Variants in DNAH9 observed in about 807,000 individuals in gnomAD.
DNAH9 encodes the protein dynein axonemal heavy chain 9.
Under a neutral mutation model 471.6 loss-of-function variants are expected in DNAH9, and 345 were observed. The observed-to-expected ratio is 0.73, with a 90% CI of 0.67 to 0.80. The LOEUF (loss-of-function observed/expected upper bound fraction) is 0.80. Among genes scored for constraint, DNAH9 ranks in the 30% least tolerant of loss-of-function variants. DNAH9 has a pLI of 0.00. For missense variants in DNAH9, 5,407 were observed against 5,609.2 expected, an observed-to-expected ratio of 0.96 and a Z score of 1.15; for synonymous variants, 2,093 against 2,123.6, an observed-to-expected ratio of 0.99 and a Z score of 0.40.
At chr17:11,615,920 A>C (rs1463024542) in intron 4 of DNAH9, among the ~76,000 whole-genome samples, 1 of 152,108 alleles carries the variant, frequency 6.6e-6, no homozygotes, top group Non-Finnish European at 1.5e-5. Context: ...TCTAATACTC[A>C]CCATCAGCCC....
intron 27 of DNAH9, among the ~76,000 whole-genome samples, chr17:11,720,467 T>C (rs2075037428): frequency 6.6e-6 from 1 of 152,156 alleles, no homozygotes; most frequent in Non-Finnish European, 1.5e-5. Context: ...TCTCTCGTTA[T>C]TTTTGTTATA....
chr17:11,677,037 G>A (rs1256371495), intron 17 of DNAH9, among the ~76,000 whole-genome samples: 1 of 151,992 alleles, frequency 6.6e-6, no homozygotes, highest in Non-Finnish European at 1.5e-5. Context: ...ATTTGTTAAA[G>A]TTTGCCTTAT....
chr17:11,620,846 T>C (rs1053827872), intron 6 of DNAH9, among the ~76,000 whole-genome samples: 26 of 152,216 alleles, frequency 1.7e-4, no homozygotes, highest in Admixed American at 1.6e-3. Flanking sequence ...AATGAGTCCC[T>C]GTGCAAAAGA....
At chr17:11,834,012 G>T (rs1324131082) in intron 48 of DNAH9, among the ~76,000 whole-genome samples, 1 of 152,156 alleles carries the variant, frequency 6.6e-6, no homozygotes, top group Non-Finnish European at 1.5e-5. Context: ...GTGAGAAGCA[G>T]CCTAAGCTGT....
intron 57 of DNAH9, among the ~76,000 whole-genome samples, chr17:11,890,076 T>G (rs1387875473): frequency 6.6e-6 from 1 of 152,234 alleles, no homozygotes; most frequent in Non-Finnish European, 1.5e-5. Context: ...TTTTTTTACA[T>G]GTTTTCCTGA....
At chr17:11,891,316 C>T (rs1973042132) in intron 57 of DNAH9, among the ~76,000 whole-genome samples, 1 of 152,164 alleles carries the variant, frequency 6.6e-6, no homozygotes, top group South Asian at 2.1e-4. Context: ...TTTCTCGTTA[C>T]TATTGTCCTT....
chr17:11,631,151 TCA>T (rs1036632467), intron 7 of DNAH9, among the ~76,000 whole-genome samples: 35 of 151,708 alleles, frequency 2.3e-4, no homozygotes, highest in Admixed American at 7.9e-4. Flanking sequence ...AGCCCGCATC[TCA>T]CCTGTAGCCC....
intron 28 of DNAH9, among the ~76,000 whole-genome samples, chr17:11,733,380 C>T (rs1432295649): frequency 6.6e-6 from 1 of 152,170 alleles, no homozygotes; most frequent in Non-Finnish European, 1.5e-5. Context: ...GACACAAGGC[C>T]CTAGCCTGAG....
chr17:11,807,960 C>T, intron 44 of DNAH9, 66 bp downstream of exon 44: 1 of 1,510,862 alleles, frequency 6.6e-7, no homozygotes, highest in Non-Finnish European at 9.0e-7. Flanking sequence ...GTTCCATCAT[C>T]CTTCACTCGT....
At chr17:11,705,241 A>G (rs1363207836) in intron 26 of DNAH9, 56 bp downstream of exon 26, 3 of 1,513,080 alleles carry the variant, frequency 2.0e-6, no homozygotes, top group African/African-American at 2.7e-5. Flanking sequence ...CAGGCCAGCT[A>G]GTGGGCATCT....
chr17:11,964,557 C>T (rs1403522088), intron 68 of DNAH9, among the ~76,000 whole-genome samples: 1 of 152,172 alleles, frequency 6.6e-6, no homozygotes, highest in Non-Finnish European at 1.5e-5. Flanking sequence ...AAATCCTCTC[C>T]TCCATAAAAC....
intron 24 of DNAH9, 143 bp from the exon 25 acceptor site, chr17:11,704,060 C>A: frequency 1.1e-6 from 1 of 917,342 alleles, no homozygotes; most frequent in African/African-American, 1.6e-5. Context: ...GCATATGGTT[C>A]ACTTAGTCAG....
At chr17:11,940,013 T>C (rs1249341600) in intron 66 of DNAH9, among the ~76,000 whole-genome samples, 1 of 152,224 alleles carries the variant, frequency 6.6e-6, no homozygotes, top group African/African-American at 2.4e-5. Context: ...AAAAAACCAA[T>C]AGTTGAACAG....
At chr17:11,906,054 C>T (rs916039334) in intron 61 of DNAH9, among the ~76,000 whole-genome samples, 6 of 152,156 alleles carry the variant, frequency 3.9e-5, no homozygotes, top group African/African-American at 1.2e-4. Context: ...GTCCCCTCCA[C>T]TCTGCCTCAC....
intron 59 of DNAH9, among the ~76,000 whole-genome samples, chr17:11,900,457 C>A (rs368360251): frequency 1.3e-5 from 2 of 150,382 alleles, no homozygotes; most frequent in Non-Finnish European, 3.0e-5. Context: ...TCAGGCCCCA[C>A]ACTCTCCCTC....
chr17:11,784,476 C>T lies in DNAH9; in HGVS notation c.7998C>T (p.Phe2666=). The T allele has an allele frequency of 6.2e-7, 1 of 1,614,220 alleles. No homozygotes were observed. Among genetic ancestry groups the T allele is most frequent in the South Asian group, 1.1e-5 (1 of 91,090 alleles). The change falls in exon 41 of 69, where the codon TTC becomes TTT. Residue 2666 remains phenylalanine (F), a synonymous_variant. Transcript: ENST00000262442. ...LAFHQKIATT[F]LPTGIKFHYI... ...TCCACCAGAAAATTGCTACCACCTT[C>T]CTACCCACAGGAATCAAATTCCACT...
chr17:11,926,857 A>G (rs1974347401), intron 62 of DNAH9, among the ~76,000 whole-genome samples: 1 of 152,144 alleles, frequency 6.6e-6, no homozygotes. Flanking sequence ...CGGTTGAACT[A>G]ATTTACACTC....
chr17:11,608,711 A>T (rs1488811129), intron 2 of DNAH9, among the ~76,000 whole-genome samples: 2 of 152,176 alleles, frequency 1.3e-5, no homozygotes, highest in African/African-American at 4.8e-5. Flanking sequence ...CTCAGTACAT[A>T]ATGTCACAGA....
chr17:11,671,478 G>A (rs571175796), intron 17 of DNAH9, among the ~76,000 whole-genome samples: 1 of 152,278 alleles, frequency 6.6e-6, no homozygotes, highest in South Asian at 2.1e-4. Flanking sequence ...GACATGGCAA[G>A]CAGGCTCAGG....
Sources: allele counts gnomAD v4.1 joint callset (sites outside exome capture counted in the v4.1 genomes callset), GRCh38; gene constraint gnomAD v4.1.1; transcripts MANE v1.5; gene names NCBI Gene and HGNC (gene_info 2026-07-23, HGNC 2026-07-21).